Variants in ODAD2 observed in about 807,000 individuals in gnomAD.
ODAD2 encodes outer dynein arm-docking complex subunit 2.
ODAD2 carries 89 observed loss-of-function variants against 106.8 expected under a neutral mutation model. The observed-to-expected ratio is 0.83, with a 90% CI of 0.70 to 0.99. ODAD2 has a LOEUF of 0.99. Ranked by LOEUF, ODAD2 falls within the 50% of genes least tolerant of loss-of-function variation. The pLI is 0.00. For synonymous variants in ODAD2, 404 were observed against 436.2 expected (o/e 0.93, Z 0.92); for missense variants, 1,168 against 1,238.5 (o/e 0.94, Z 0.85).
At chr10:27,839,027 C>T (rs903573101) in intron 19 of ODAD2, among the ~76,000 whole-genome samples, 1 of 152,150 alleles carries the variant, frequency 6.6e-6, no homozygotes, top group African/African-American at 2.4e-5. Context: ...TGGAGGAATC[C>T]TGGACTGTTC....
At chr10:27,963,640 A>T (rs1319802409) in intron 9 of ODAD2, among the ~76,000 whole-genome samples, 3,891 of 152,222 alleles carry the variant, frequency 0.026, 152 homozygotes, top group African/African-American at 0.079. Flanking sequence ...ATGAACCAAT[A>T]ATAGACTATT....
chr10:27,833,881 C>T (rs1837664650), intron 19 of ODAD2, among the ~76,000 whole-genome samples: 1 of 152,218 alleles, frequency 6.6e-6, no homozygotes, highest in Admixed American at 6.5e-5. Flanking sequence ...AAGAGCAAAT[C>T]TGAAACCTGA....
chr10:27,997,727 T>C (rs977754768), intron 1 of ODAD2, among the ~76,000 whole-genome samples: 1 of 152,080 alleles, frequency 6.6e-6, no homozygotes, highest in Non-Finnish European at 1.5e-5. Flanking sequence ...AGAAAATAAA[T>C]AAATAAATAA....
chr10:27,868,724 T>C (rs1377071551), intron 17 of ODAD2, among the ~76,000 whole-genome samples: 1 of 151,920 alleles, frequency 6.6e-6, no homozygotes, highest in African/African-American at 2.4e-5. Context: ...AACTAAGGCA[T>C]GCAGGGCTTA....
At chr10:27,912,955 A>C (rs1331278571) in intron 16 of ODAD2, among the ~76,000 whole-genome samples, 1 of 152,174 alleles carries the variant, frequency 6.6e-6, no homozygotes, top group Non-Finnish European at 1.5e-5. Flanking sequence ...TGGGACAACA[A>C]ATTTGGAGAA....
intron 17 of ODAD2, among the ~76,000 whole-genome samples, chr10:27,902,356 A>T (rs1356996396): frequency 1.3e-5 from 2 of 152,238 alleles, no homozygotes; most frequent in Non-Finnish European, 1.5e-5. Context: ...AAAAGATCTA[A>T]AATCGACACC....
chr10:27,882,102 G>A (rs1369182933), intron 17 of ODAD2, among the ~76,000 whole-genome samples: 1 of 151,400 alleles, frequency 6.6e-6, no homozygotes, highest in African/African-American at 2.4e-5. Context: ...CCAGGAGACA[G>A]AGGTTGCATT....
intron 17 of ODAD2, among the ~76,000 whole-genome samples, chr10:27,889,572 T>C (rs1842434247): frequency 6.6e-6 from 1 of 152,144 alleles, no homozygotes; most frequent in African/African-American, 2.4e-5. Context: ...ACTGGTGGTG[T>C]TGAAGCTCCA....
chr10:27,855,867 A>G (rs1451742070), intron 19 of ODAD2, among the ~76,000 whole-genome samples: 1 of 152,184 alleles, frequency 6.6e-6, no homozygotes, highest in East Asian at 1.9e-4. Context: ...CCTTTCAGAA[A>G]GTTATAAGCC....
chr10:27,922,344 A>C (rs778671641), intron 16 of ODAD2, among the ~76,000 whole-genome samples: 8 of 152,032 alleles, frequency 5.3e-5, no homozygotes, highest in Non-Finnish European at 1.0e-4. Flanking sequence ...TGAGCTCCAA[A>C]CTAAGACTAT....
intron 17 of ODAD2, among the ~76,000 whole-genome samples, chr10:27,893,420 G>A (rs1433213781): frequency 6.6e-6 from 1 of 152,194 alleles, no homozygotes; most frequent in Non-Finnish European, 1.5e-5. Context: ...GACAGACGTG[G>A]TAGGGGCCCT....
chr10:27,901,020 A>G (rs1340461270), intron 17 of ODAD2, among the ~76,000 whole-genome samples: 3 of 152,224 alleles, frequency 2.0e-5, no homozygotes, highest in African/African-American at 7.2e-5. Context: ...CATCAGATTC[A>G]GCAAGATTGA....
chr10:27,858,553 C>T (rs1462357501), intron 19 of ODAD2, among the ~76,000 whole-genome samples: 2 of 152,112 alleles, frequency 1.3e-5, no homozygotes, highest in Non-Finnish European at 2.9e-5. Context: ...TCCTTCTTTG[C>T]TTTTTTCTTT....
At chr10:27,818,072 C>T (rs1007476861) in intron 19 of ODAD2, among the ~76,000 whole-genome samples, 47 of 151,570 alleles carry the variant, frequency 3.1e-4, no homozygotes, top group African/African-American at 9.9e-4. Context: ...GGAGATTTCA[C>T]TCTTCCACAT....
intron 17 of ODAD2, among the ~76,000 whole-genome samples, chr10:27,901,804 T>G (rs1052371314): frequency 6.6e-6 from 1 of 152,054 alleles, no homozygotes; most frequent in Non-Finnish European, 1.5e-5. Context: ...GCACCCAGAT[T>G]CATAAAACAA....
At position 27,875,330 on chromosome 10, in the gene ODAD2, C is replaced by A. The variant is rs551942929; in HGVS notation, c.2611-12708G>T. Among the ~76,000 whole-genome samples the A allele has an allele frequency of 9.2e-5, 14 of 152,120 alleles. No individual in the cohort carries two copies. The South Asian group carries it at 2.9e-3, about 32-fold the overall frequency. On this transcript the variant is annotated intron_variant, in intron 17 of 19. Transcript: ENST00000305242. ...CTCCTTTAGCTTGGAGAAGTTTGAT[C>A]TTCTGAAGCCTTCTTCTCTCAACTC...
chr10:27,857,917 C>G (rs796313360), intron 19 of ODAD2, among the ~76,000 whole-genome samples: 1 of 152,130 alleles, frequency 6.6e-6, no homozygotes, highest in Non-Finnish European at 1.5e-5. Context: ...GACGAGAAGT[C>G]GGCAGCAGGA....
chr10:27,954,931 T>C (rs1847614316), intron 10 of ODAD2, among the ~76,000 whole-genome samples: 1 of 152,206 alleles, frequency 6.6e-6, no homozygotes, highest in African/African-American at 2.4e-5. Flanking sequence ...AAAGCATAAA[T>C]GCAGATTCTG....
intron 10 of ODAD2, among the ~76,000 whole-genome samples, chr10:27,952,708 T>C (rs1390143723): frequency 6.6e-6 from 1 of 152,176 alleles, no homozygotes; most frequent in Non-Finnish European, 1.5e-5. Context: ...CCAAAAATGG[T>C]ACCTGGGCAT....
Sources: gnomAD v4.1 joint callset for allele counts (sites outside exome capture counted in the v4.1 genomes callset) on GRCh38, gnomAD v4.1.1 for gene constraint, MANE v1.5 for transcripts, NCBI Gene and HGNC (gene_info 2026-07-23, HGNC 2026-07-21) for gene names.